Variants in PARD3 observed in about 807,000 individuals in gnomAD.
PARD3 encodes partitioning defective 3 homolog.
PARD3 carries 75 observed loss-of-function variants against 155.4 expected under a neutral mutation model. The observed-to-expected ratio is 0.48, with a 90% confidence interval of 0.40 to 0.58. The LOEUF is 0.58. Ranked by LOEUF, PARD3 falls within the 20% of genes least tolerant of loss-of-function variation. The pLI, the probability that PARD3 is intolerant of heterozygous loss-of-function variation, is 0.00. For missense variants in PARD3, 1,642 were observed against 1,721.7 expected, an observed-to-expected ratio of 0.95 and a Z score of 0.82; for synonymous variants, 576 against 610.5, an observed-to-expected ratio of 0.94 and a Z score of 0.83.
chr10:34,131,368 G>T, intron 23 of PARD3, 95 bp downstream of exon 23: 1 of 1,395,370 alleles, frequency 7.2e-7, no homozygotes, highest in Non-Finnish European at 1.0e-6. Context: ...GCTCCATCTT[G>T]TCTCGTTTCA....
intron 2 of PARD3, among the ~76,000 whole-genome samples, chr10:34,559,863 G>T (rs1206529728): frequency 1.3e-5 from 2 of 152,336 alleles, no homozygotes; most frequent in African/African-American, 4.8e-5. Flanking sequence ...TCAAAATGGA[G>T]AAGGGCACAA....
At chr10:34,461,104 C>T (rs1165826455) in intron 4 of PARD3, among the ~76,000 whole-genome samples, 2 of 152,044 alleles carry the variant, frequency 1.3e-5, no homozygotes, top group Non-Finnish European at 2.9e-5. Context: ...AAAGGCAGCC[C>T]AGATCATAAC....
chr10:34,763,017 G>A (rs1837647150), intron 1 of PARD3, among the ~76,000 whole-genome samples: 1 of 152,214 alleles, frequency 6.6e-6, no homozygotes, highest in South Asian at 2.1e-4. Context: ...GATTCTATCA[G>A]AAGGCGTATT....
chr10:34,472,026 T>C (rs201427630), intron 3 of PARD3, among the ~76,000 whole-genome samples: 1 of 152,198 alleles, frequency 6.6e-6, no homozygotes, highest in Non-Finnish European at 1.5e-5. Context: ...GTCAATCCAA[T>C]AGTCTCCAAT....
intron 2 of PARD3, among the ~76,000 whole-genome samples, chr10:34,694,431 A>G (rs2094127372): frequency 3.3e-5 from 5 of 151,664 alleles, no homozygotes; most frequent in Non-Finnish European, 5.9e-5. Context: ...CGGCACCAAG[A>G]AAAATAGCAT....
intron 22 of PARD3, among the ~76,000 whole-genome samples, chr10:34,267,122 T>G (rs911629894): frequency 1.2e-3 from 28 of 24,058 alleles, no homozygotes; most frequent in African/African-American, 5.3e-3. Flanking sequence ...TGTCAACTAA[T>G]TTTTTTTTTT....
intron 22 of PARD3, among the ~76,000 whole-genome samples, chr10:34,137,104 A>T (rs1947941840): frequency 1.3e-5 from 2 of 152,076 alleles, no homozygotes; most frequent in Admixed American, 1.3e-4. Context: ...GCTTTTTTTA[A>T]GATTTAATTT....
At chr10:34,759,657 C>G (rs760062245) in intron 1 of PARD3, among the ~76,000 whole-genome samples, 72 of 152,200 alleles carry the variant, frequency 4.7e-4, no homozygotes, top group Non-Finnish European at 8.1e-4. Flanking sequence ...AACAGCACAT[C>G]GCCTAAGGCC....
chr10:34,619,461 C>T (rs1487653055), intron 2 of PARD3, among the ~76,000 whole-genome samples: 1 of 152,182 alleles, frequency 6.6e-6, no homozygotes, highest in African/African-American at 2.4e-5. Context: ...AGTTTATTGG[C>T]ATTCAAATAT....
intron 19 of PARD3, among the ~76,000 whole-genome samples, chr10:34,329,654 G>C (rs1208870690): frequency 6.6e-6 from 1 of 152,044 alleles, no homozygotes; most frequent in Non-Finnish European, 1.5e-5. Flanking sequence ...GGTCTGGAGA[G>C]GCTGACCTAA....
intron 22 of PARD3, among the ~76,000 whole-genome samples, chr10:34,207,262 T>C (rs945491739): frequency 6.6e-6 from 1 of 152,252 alleles, no homozygotes; most frequent in Non-Finnish European, 1.5e-5. Context: ...TTGGTTGTTT[T>C]GTCACTCTTG....
At chr10:34,334,346 CAAAAAA>C (rs34205005) in intron 18 of PARD3, among the ~76,000 whole-genome samples, 23 of 95,084 alleles carry the variant, frequency 2.4e-4, no homozygotes, top group Non-Finnish European at 4.4e-4. Flanking sequence ...TCCCTCTTGC[CAAAAAA>C]AAAAAAAAAA....
chr10:34,184,505 G>A (rs956141641), intron 22 of PARD3, among the ~76,000 whole-genome samples: 19 of 152,014 alleles, frequency 1.2e-4, no homozygotes, highest in Admixed American at 4.6e-4. Context: ...TCCACAAGCC[G>A]GGGGGTATTA....
chr10:34,427,567 T>TGTGACCTC (rs2075685179), intron 5 of PARD3, among the ~76,000 whole-genome samples: 1 of 152,150 alleles, frequency 6.6e-6, no homozygotes, highest in East Asian at 1.9e-4. Flanking sequence ...GCCCTGACCT[T>TGTGACCTC]GTGACCTCGC....
chr10:34,648,350 G>A (rs896801501), intron 2 of PARD3, among the ~76,000 whole-genome samples: 3 of 152,174 alleles, frequency 2.0e-5, no homozygotes, highest in African/African-American at 7.2e-5. Context: ...AAGAGCTGCC[G>A]TGAATGGCTC....
At chr10:34,334,273 A>T (rs1835916777) in intron 18 of PARD3, among the ~76,000 whole-genome samples, 1 of 151,166 alleles carries the variant, frequency 6.6e-6, no homozygotes, top group South Asian at 2.1e-4. Context: ...TATGGAAAAA[A>T]AAAGAGGGAA....
At chr10:34,390,741 C>A (rs994114564) in intron 7 of PARD3, among the ~76,000 whole-genome samples, 1 of 151,936 alleles carries the variant, frequency 6.6e-6, no homozygotes, top group Non-Finnish European at 1.5e-5. Context: ...AAATAAATTG[C>A]GTTTTCAATA....
intron 2 of PARD3, among the ~76,000 whole-genome samples, chr10:34,560,795 A>C (rs889914821): frequency 6.6e-6 from 1 of 152,210 alleles, no homozygotes; most frequent in Admixed American, 6.5e-5. Flanking sequence ...GGTGTTAAAT[A>C]AATTATGATC....
chr10:34,147,814 G>A (rs2132932545), intron 22 of PARD3, among the ~76,000 whole-genome samples: 1 of 152,220 alleles, frequency 6.6e-6, no homozygotes, highest in East Asian at 1.9e-4. Flanking sequence ...CAGATCATGA[G>A]CTCTAGGGCC....
Sources: allele counts gnomAD v4.1 joint callset (sites outside exome capture counted in the v4.1 genomes callset), GRCh38; gene constraint gnomAD v4.1.1; transcripts MANE v1.5; gene names NCBI Gene and HGNC (gene_info 2026-07-23, HGNC 2026-07-21).